The following CBL variants were observed in gnomAD, a reference collection of about 807,000 sequenced individuals.
The protein encoded by CBL is E3 ubiquitin-protein ligase CBL.
In CBL, 45 loss-of-function variants were observed where a neutral mutation model predicts 96.9. The ratio of observed to expected loss-of-function variants is 0.46; its 90% confidence interval spans 0.37 to 0.60. The LOEUF (loss-of-function observed/expected upper bound fraction) is 0.60. Ranked by LOEUF, CBL falls within the 20% of genes least tolerant of loss-of-function variation. CBL has a pLI of 0.00. For synonymous variants in CBL, 420 were observed against 426.8 expected (o/e 0.98, Z 0.20); for missense variants, 1,024 against 1,143.5 (o/e 0.90, Z 1.51).
chr11:119,258,326 A>T (rs907751169), intron 2 of CBL, among the ~76,000 whole-genome samples: 4 of 152,176 alleles, frequency 2.6e-5, no homozygotes, highest in African/African-American at 9.6e-5. Context: ...TACAGGAAGC[A>T]TAGTGGCTTC....
Position 119,300,693 on chromosome 11 carries a change from A to G in CBL, c.*912A>G. 2.5e-6 allele frequency: 1 copy of G among 397,572 alleles called. No homozygotes were observed. The highest frequency in any genetic ancestry group is 4.4e-6 in the Non-Finnish European group (1 of 225,638). The allele number at this position is 397,572 out of a possible 1,614,324, so 24.6% of individuals were successfully genotyped here. On this transcript the variant is annotated 3_prime_UTR_variant, in exon 16 of 16. Coordinates refer to ENST00000264033, the MANE Select transcript of CBL (RefSeq NM_005188.4). ...ACCGATTTGAGATAGAGGCCTTTAA[A>G]TACATTCCATGCCCTCCCCAGAAAA...
intron 9 of CBL, among the ~76,000 whole-genome samples, chr11:119,280,922 C>G (rs760116213): frequency 6.6e-6 from 1 of 152,312 alleles, no homozygotes; most frequent in East Asian, 1.9e-4. Context: ...ACATACTATA[C>G]AATAATTACT....
intron 2 of CBL, among the ~76,000 whole-genome samples, chr11:119,245,680 G>T (rs148861080): frequency 0.032 from 4,899 of 152,178 alleles, 116 homozygotes; most frequent in South Asian, 0.056. Flanking sequence ...AGTGAGCTGA[G>T]ATTGTGCCAT....
rs73566769 is a variant in CBL, at chr11:119,270,089, G to A, written c.444-1646G>A. ...TATTGGGTCAAAGGAAAATAGACACGTATTCAGTAGCTTGTTTAGTGTAAT... is the reference window on the plus strand; with the variant it reads ...TATTGGGTCAAAGGAAAATAGACACATATTCAGTAGCTTGTTTAGTGTAAT... On this transcript the variant is annotated intron_variant, in intron 2 of 15. Transcript: ENST00000264033. 2.4e-3 allele frequency among the ~76,000 whole-genome samples: 368 copies of A among 152,168 alleles called. 3 individuals carry two copies. The highest frequency in any genetic ancestry group is 4.3e-3 in the Non-Finnish European group (293 of 68,008).
intron 2 of CBL, among the ~76,000 whole-genome samples, chr11:119,236,131 G>A (rs1949544311): frequency 6.6e-6 from 1 of 151,658 alleles, no homozygotes; most frequent in African/African-American, 2.4e-5. Flanking sequence ...TAGTGTATTC[G>A]CAAAGTCAGG....
At chr11:119,258,007 A>C (rs2135285488) in intron 2 of CBL, among the ~76,000 whole-genome samples, 1 of 152,204 alleles carries the variant, frequency 6.6e-6, no homozygotes, top group South Asian at 2.1e-4. Context: ...CAGGCGGGTC[A>C]CTTGAGGTCA....
intron 2 of CBL, among the ~76,000 whole-genome samples, chr11:119,269,965 C>G (rs188108548): frequency 6.6e-6 from 1 of 151,998 alleles, no homozygotes; most frequent in Admixed American, 6.5e-5. Context: ...CCACTGCACT[C>G]CAGCCCAGGC....
At chr11:119,226,263 C>A (rs1178198943) in intron 1 of CBL, among the ~76,000 whole-genome samples, 1 of 152,122 alleles carries the variant, frequency 6.6e-6, no homozygotes, top group Admixed American at 6.6e-5. Flanking sequence ...GATATGAGGT[C>A]CACTATTCTG....
intron 9 of CBL, among the ~76,000 whole-genome samples, chr11:119,282,819 A>G (rs1279339031): frequency 6.6e-6 from 1 of 152,152 alleles, no homozygotes; most frequent in East Asian, 1.9e-4. Flanking sequence ...GCGGTGGCTC[A>G]CGCCTGTAAT....
chr11:119,237,536 C>A (rs1031002614), intron 2 of CBL, among the ~76,000 whole-genome samples: 2 of 152,034 alleles, frequency 1.3e-5, no homozygotes, highest in African/African-American at 4.8e-5. Flanking sequence ...GTCTTTGATC[C>A]ATTTTTGAGT....
chr11:119,244,607 A>G (rs2135275052), intron 2 of CBL, among the ~76,000 whole-genome samples: 2 of 66,260 alleles, frequency 3.0e-5, no homozygotes, highest in East Asian at 1.4e-3. Context: ...TTTGAGACGG[A>G]GTCTCGCTCT....
At chr11:119,219,367 ACT>A (rs1253057031) in intron 1 of CBL, among the ~76,000 whole-genome samples, 4 of 143,252 alleles carry the variant, frequency 2.8e-5, no homozygotes, top group Admixed American at 1.4e-4. Flanking sequence ...ACAGAGTGAG[ACT>A]CTGTCTCAAA....
chr11:119,280,391 A>G (rs1356580277), intron 9 of CBL, among the ~76,000 whole-genome samples: 1 of 152,182 alleles, frequency 6.6e-6, no homozygotes, highest in Non-Finnish European at 1.5e-5. Context: ...TATATTTTGT[A>G]TGAGTAAAAT....
intron 2 of CBL, among the ~76,000 whole-genome samples, chr11:119,257,293 A>G (rs1033674624): frequency 6.6e-6 from 1 of 152,228 alleles, no homozygotes; most frequent in African/African-American, 2.4e-5. Flanking sequence ...TTTTTAAATA[A>G]TGGCCACTCT....
At chr11:119,218,670 G>A (rs938526131) in intron 1 of CBL, among the ~76,000 whole-genome samples, 5 of 152,022 alleles carry the variant, frequency 3.3e-5, no homozygotes, top group Admixed American at 2.0e-4. Context: ...ACTACCCACC[G>A]GTTAGTCACC....
intron 2 of CBL, among the ~76,000 whole-genome samples, chr11:119,237,585 A>T (rs1466204867): frequency 6.6e-6 from 1 of 152,060 alleles, no homozygotes; most frequent in East Asian, 1.9e-4. Flanking sequence ...GTCCAACTTG[A>T]TTCTCTTGCA....
chr11:119,232,786 A>G (rs1949514245), intron 2 of CBL, 91 bp downstream of exon 2: 9 of 1,249,410 alleles, frequency 7.2e-6, no homozygotes, highest in Middle Eastern at 2.6e-4. Context: ...TTTTAATTTT[A>G]TGTTAGTAGG....
intron 2 of CBL, among the ~76,000 whole-genome samples, chr11:119,240,298 T>TA (rs967239882): frequency 1.5e-4 from 20 of 137,448 alleles, no homozygotes; most frequent in African/African-American, 2.9e-4. Flanking sequence ...TGTTACCAAT[T>TA]AAAAAAAAAA....
intron 1 of CBL, among the ~76,000 whole-genome samples, chr11:119,229,615 C>A (rs1455289257): frequency 6.6e-6 from 1 of 151,754 alleles, no homozygotes; most frequent in African/African-American, 2.4e-5. Flanking sequence ...TCAAAAACAA[C>A]AACAACAACA....
Sources: gnomAD v4.1 joint callset for allele counts (sites outside exome capture counted in the v4.1 genomes callset) on GRCh38, gnomAD v4.1.1 for gene constraint, MANE v1.5 for transcripts, NCBI Gene and HGNC (gene_info 2026-07-23, HGNC 2026-07-21) for gene names.